Variants in METTL24 observed in about 807,000 individuals in gnomAD.
The protein encoded by METTL24 is methyltransferase like 24.
In METTL24, 29 loss-of-function variants were observed where a neutral mutation model predicts 32.7. The observed-to-expected ratio is 0.89, with a 90% CI of 0.66 to 1.21. METTL24 has a LOEUF of 1.21. METTL24 is among the 50% of genes most tolerant of loss of function. The probability of loss-of-function intolerance (pLI) is 0.00; values close to 1 mark genes in which losing one functional copy is unlikely to be tolerated. For synonymous variants in METTL24, 163 were observed against 179.5 expected, an observed-to-expected ratio of 0.91 and a Z score of 0.73; for missense variants, 439 against 468.1, an observed-to-expected ratio of 0.94 and a Z score of 0.57.
intron 4 of METTL24, among the ~76,000 whole-genome samples, chr6:110,296,190 A>G (rs941527156): frequency 1.3e-5 from 2 of 152,242 alleles, no homozygotes; most frequent in Non-Finnish European, 2.9e-5. Flanking sequence ...ATAATTCCTC[A>G]TTAACTAGCT....
chr6:110,312,469 A>C (rs1175466180), intron 3 of METTL24, among the ~76,000 whole-genome samples: 1 of 152,230 alleles, frequency 6.6e-6, no homozygotes, highest in Non-Finnish European at 1.5e-5. Context: ...ATTAGTGATA[A>C]ATAAAGAAAA....
At chr6:110,328,019 C>T (rs1032579795) in intron 1 of METTL24, among the ~76,000 whole-genome samples, 1 of 152,218 alleles carries the variant, frequency 6.6e-6, no homozygotes, top group Non-Finnish European at 1.5e-5. Context: ...GCAGAGGTGG[C>T]TGGAAATAAC....
In METTL24 at chr6:110,322,141, T is replaced by C. The variant is rs554819157; in HGVS notation, c.417+633A>G. Among the ~76,000 whole-genome samples, 28 of 152,316 alleles carry C rather than the reference T, an allele frequency of 1.8e-4. No homozygotes were observed. In the South Asian group the frequency reaches 5.6e-3, roughly 30 times the overall value. ...TTAACATGTCAAGAGCCATAGACTG[T>C]CTTAATGGACAGTCTCTTTGCCTGC... On this transcript the variant is annotated intron_variant, in intron 2 of 4. Coordinates refer to ENST00000338882, the MANE Select transcript of METTL24 (RefSeq NM_001123364.3).
At chr6:110,276,200 A>G (rs1771044385) in intron 4 of METTL24, among the ~76,000 whole-genome samples, 1 of 152,234 alleles carries the variant, frequency 6.6e-6, no homozygotes, top group African/African-American at 2.4e-5. Flanking sequence ...TAAGAGGCCA[A>G]GGCCCAAGGA....
At position 110,322,890 on chromosome 6, in the gene METTL24, C is replaced by G; in HGVS notation, c.319-18G>C. 1 of 1,556,442 alleles carries G rather than the reference C, an allele frequency of 6.4e-7. No individual in the cohort carries two copies. Among genetic ancestry groups the G allele is most frequent in the Middle Eastern group, 1.7e-4 (1 of 5,976 alleles). On this transcript the variant is annotated intron_variant, in intron 1 of 4. Coordinates refer to ENST00000338882, the MANE Select transcript of METTL24 (RefSeq NM_001123364.3). ...CGGGGACCCTGCAAGAGACAGAAAACATAGGTTGTGTGTAAGGAAGAGGAA... is the reference window on the plus strand; with the variant it reads ...CGGGGACCCTGCAAGAGACAGAAAAGATAGGTTGTGTGTAAGGAAGAGGAA...
At chr6:110,352,099 G>T (rs969820611) in intron 1 of METTL24, among the ~76,000 whole-genome samples, 6 of 151,982 alleles carry the variant, frequency 3.9e-5, no homozygotes, top group Non-Finnish European at 7.4e-5. Flanking sequence ...ATTCCCCTAC[G>T]ATCTTACCCT....
chr6:110,344,307 G>A (rs1249734350), intron 1 of METTL24, among the ~76,000 whole-genome samples: 1 of 152,094 alleles, frequency 6.6e-6, no homozygotes, highest in Admixed American at 6.5e-5. Context: ...ACTCTAGCAC[G>A]AGAGTCTCCT....
rs1445859853 is a variant in METTL24, at chr6:110,244,538, T to G, written c.*1408A>C. ...TATAGAGGAAAGAGATTTAATTGAC[T>G]CACAGTTTAGCATGGCTGGCGAGGC... On this transcript the variant is annotated 3_prime_UTR_variant, in exon 5 of 5. Transcript: ENST00000338882. Among the ~76,000 whole-genome samples the G allele has an allele frequency of 6.6e-6, 1 of 152,196 alleles. No homozygotes were observed. The highest frequency in any genetic ancestry group is 1.5e-5 in the Non-Finnish European group (1 of 68,036).
At chr6:110,288,181 A>G (rs1217574495) in intron 4 of METTL24, among the ~76,000 whole-genome samples, 2 of 152,100 alleles carry the variant, frequency 1.3e-5, no homozygotes, top group South Asian at 4.1e-4. Flanking sequence ...GCCCATGACT[A>G]TGAAGCCATA....
chr6:110,302,874 TA>T, intron 3 of METTL24, among the ~76,000 whole-genome samples: 1 of 152,178 alleles, frequency 6.6e-6, no homozygotes, highest in Non-Finnish European at 1.5e-5. Context: ...TCTGGCAAGA[TA>T]TGGCTGAATA....
Position 110,265,164 on chromosome 6 carries a change from AG to A in METTL24, c.787-18905del, listed in dbSNP as rs1175892189. 1.2e-3 allele frequency among the ~76,000 whole-genome samples: 185 copies of A among 149,792 alleles called. 2 individuals are homozygous for A. The highest frequency in any genetic ancestry group is 4.5e-3 in the African/African-American group (180 of 40,018). The stretch of plus-strand genomic sequence containing the variant: ...AAGAAAGAAAGAAAGAAAGAAAGAA[AG>A]AAAGAAAGAAAGAAAGAAAGAAAGA... On this transcript the variant is annotated intron_variant, in intron 4 of 4. Coordinates refer to ENST00000338882, the MANE Select transcript of METTL24 (RefSeq NM_001123364.3).
chr6:110,287,522 A>G (rs749636456), intron 4 of METTL24, among the ~76,000 whole-genome samples: 2 of 152,194 alleles, frequency 1.3e-5, no homozygotes, highest in African/African-American at 2.4e-5. Context: ...ATTTAGATAG[A>G]AATTGCCCTG....
chr6:110,349,727 T>TA (rs1238602564), intron 1 of METTL24, among the ~76,000 whole-genome samples: 2 of 152,218 alleles, frequency 1.3e-5, no homozygotes, highest in Admixed American at 1.3e-4. Context: ...CTGTATTAAA[T>TA]AGACCTAAGC....
chr6:110,338,028 A>G (rs1169505164), intron 1 of METTL24, among the ~76,000 whole-genome samples: 1 of 152,204 alleles, frequency 6.6e-6, no homozygotes, highest in East Asian at 1.9e-4. Flanking sequence ...GGACATTTTT[A>G]CACTGATTTA....
chr6:110,317,714 T>A (rs1450231818), intron 2 of METTL24, among the ~76,000 whole-genome samples: 1 of 152,106 alleles, frequency 6.6e-6, no homozygotes, highest in African/African-American at 2.4e-5. Context: ...TGCAGGACCT[T>A]GCTCATCATT....
intron 4 of METTL24, among the ~76,000 whole-genome samples, chr6:110,287,911 T>C (rs1771252310): frequency 6.6e-6 from 1 of 152,198 alleles, no homozygotes; most frequent in African/African-American, 2.4e-5. Context: ...GACTCAGGCA[T>C]GCCTGGACCT....
rs547117498 is a variant in METTL24 at position 110,244,278 on chromosome 6, C to T, written c.*1668G>A. On this transcript the variant is annotated 3_prime_UTR_variant, in exon 5 of 5. Coordinates refer to ENST00000338882, the MANE Select transcript of METTL24 (RefSeq NM_001123364.3). ...TGTTTGAAGGCAGAAGAGGCAACAG[C>T]AAAGATACCCAGATTCTGCTCTGTG... 5.9e-4 allele frequency among the ~76,000 whole-genome samples: 89 copies of T among 152,046 alleles called. No homozygotes were observed. The highest frequency in any genetic ancestry group is 2.0e-3 in the African/African-American group (82 of 41,464).
rs866335000 is a variant in METTL24, at chr6:110,313,299, T to C, written c.557+2043A>G. Among the ~76,000 whole-genome samples, 3 of 152,252 alleles carry C rather than the reference T, an allele frequency of 2.0e-5. No homozygotes were observed. In the South Asian group the frequency reaches 6.2e-4, roughly 32 times the overall value. On this transcript the variant is annotated intron_variant, in intron 3 of 4. Coordinates refer to ENST00000338882, the MANE Select transcript of METTL24 (RefSeq NM_001123364.3). ...GGATACTCTAAATGCCCTGACTTGA[T>C]TACTATGCATGCTACGCATGTAACA... is the stretch of plus-strand genomic sequence containing the variant.
chr6:110,310,465 T>C (rs1460978582), intron 3 of METTL24, among the ~76,000 whole-genome samples: 1 of 151,910 alleles, frequency 6.6e-6, no homozygotes, highest in Non-Finnish European at 1.5e-5. Flanking sequence ...ACTCCAGACA[T>C]GAGAAGACTT....
Sources: gnomAD v4.1 joint callset for allele counts (sites outside exome capture counted in the v4.1 genomes callset) on GRCh38, gnomAD v4.1.1 for gene constraint, MANE v1.5 for transcripts, NCBI Gene and HGNC (gene_info 2026-07-23, HGNC 2026-07-21) for gene names.